The following MTMR3 variants were observed in gnomAD, a reference collection of about 807,000 sequenced individuals.
MTMR3 encodes the protein myotubularin related protein 3.
MTMR3 carries 32 observed loss-of-function variants against 132.4 expected under a neutral mutation model. The ratio of observed to expected loss-of-function variants is 0.24; its 90% confidence interval spans 0.18 to 0.32. The LOEUF is 0.32. MTMR3 is among the 10% of genes least tolerant of loss of function. The pLI is 1.00. For synonymous variants in MTMR3, 556 were observed against 550.3 expected (o/e 1.01, Z -0.14); for missense variants, 1,216 against 1,489.6 (o/e 0.82, Z 3.02).
intron 7 of MTMR3, chr22:29,997,860 AC>A (rs2067093481): frequency 6.6e-6 from 1 of 152,180 alleles, no homozygotes; most frequent in Non-Finnish European, 1.5e-5. Flanking sequence ...AATGATCTAT[AC>A]CTTTCACGAA....
chr22:29,902,094 T>C (rs1441514627), intron 1 of MTMR3, among the ~76,000 whole-genome samples: 1 of 152,198 alleles, frequency 6.6e-6, no homozygotes, highest in East Asian at 1.9e-4. Context: ...TTTATAACTT[T>C]ATTAGAGAAC....
At chr22:29,912,859 C>T (rs1434314924) in intron 1 of MTMR3, among the ~76,000 whole-genome samples, 2 of 152,170 alleles carry the variant, frequency 1.3e-5, no homozygotes, top group Non-Finnish European at 2.9e-5. Flanking sequence ...AACTCTTGGC[C>T]TGAACTGTTT....
At chr22:29,964,926 G>A (rs4820824) in intron 2 of MTMR3, among the ~76,000 whole-genome samples, 70,964 of 151,836 alleles carry the variant, frequency 0.47, 16,906 homozygotes, top group East Asian at 0.72. Flanking sequence ...TTTCTGATTC[G>A]GTACAGTTTA....
intron 1 of MTMR3, among the ~76,000 whole-genome samples, chr22:29,926,105 TTAC>T (rs2065512154): frequency 2.0e-5 from 3 of 152,146 alleles, no homozygotes; most frequent in Non-Finnish European, 4.4e-5. Context: ...TTCAATGCAT[TTAC>T]CTATTTTGAT....
Position 29,936,147 on chromosome 22 carries a change from G to C in MTMR3, c.-137-20889G>C, listed in dbSNP as rs769360503. Among the ~76,000 whole-genome samples, 3 of 152,088 alleles carry C rather than the reference G, an allele frequency of 2.0e-5. No homozygotes were observed. In the South Asian group the frequency reaches 6.2e-4, roughly 32 times the overall value. On this transcript the variant is annotated intron_variant, in intron 1 of 19. Coordinates refer to ENST00000401950, the MANE Select transcript of MTMR3 (RefSeq NM_021090.4). ...GATTTTCATCTCTTTCTATTCTGTAGCCTACAATCGTAATGTAGACCAAGA... is the reference window on the plus strand; with the variant it reads ...GATTTTCATCTCTTTCTATTCTGTACCCTACAATCGTAATGTAGACCAAGA...
chr22:29,965,296 A>T (rs192379393), intron 2 of MTMR3, among the ~76,000 whole-genome samples: 388 of 151,958 alleles, frequency 2.6e-3, no homozygotes, highest in African/African-American at 8.9e-3. Context: ...TACAGAATCT[A>T]TTTGGTATAG....
At chr22:29,985,557 A>G (rs1290628867) in intron 5 of MTMR3, 1 of 152,230 alleles carries the variant, frequency 6.6e-6, no homozygotes, top group Non-Finnish European at 1.5e-5. Context: ...GAAGGGAAAC[A>G]CTGCAGTAGA....
intron 1 of MTMR3, among the ~76,000 whole-genome samples, chr22:29,893,422 T>C (rs1306173216): frequency 6.6e-6 from 1 of 152,234 alleles, no homozygotes; most frequent in African/African-American, 2.4e-5. Flanking sequence ...AAAGGAAACA[T>C]ACTCATTAGT....
intron 2 of MTMR3, among the ~76,000 whole-genome samples, chr22:29,964,580 C>A (rs1317434211): frequency 6.6e-6 from 1 of 152,134 alleles, no homozygotes; most frequent in African/African-American, 2.4e-5. Flanking sequence ...GTTCTTTAAT[C>A]TCCCTTTGCT....
At chr22:29,970,949 C>CT in intron 2 of MTMR3, 27 bp from the exon 3 acceptor site, 11 of 370,716 alleles carry the variant, frequency 3.0e-5, no homozygotes, top group East Asian at 1.8e-4. Flanking sequence ...TTTTTTTCTT[C>CT]TTCCCCCTCT....
chr22:29,916,147 A>T (rs2065303642), intron 1 of MTMR3, among the ~76,000 whole-genome samples: 2 of 152,180 alleles, frequency 1.3e-5, no homozygotes, highest in African/African-American at 4.8e-5. Context: ...CTGGGCCTGT[A>T]GAGGAGCCTT....
chr22:29,982,933 TTGTTTGTGTGTGTG>T (rs1390784946), intron 5 of MTMR3: 36 of 108,486 alleles, frequency 3.3e-4, no homozygotes, highest in South Asian at 2.9e-3. Context: ...GTTTAAAAGT[TTGTTTGTGTGTGTG>T]TGTGTGTGTG....
rs2067458454 is a variant in MTMR3, at chr22:30,012,569, C to T, written c.1317+6C>T. The T allele has an allele frequency of 3.8e-6, 6 of 1,593,282 alleles. No homozygotes were observed. Among genetic ancestry groups the T allele is most frequent in the Non-Finnish European group, 4.3e-6 (5 of 1,169,196 alleles). Reference sequence around the variant, plus strand: ...CTTATTACCGAACCATAGAGGTGAGCCCATCCAAATGGGAGGGGTTGGTAC... The same window carrying T: ...CTTATTACCGAACCATAGAGGTGAGTCCATCCAAATGGGAGGGGTTGGTAC... On this transcript the variant is annotated splice_donor_region_variant and intron_variant, in intron 13 of 19. Coordinates refer to ENST00000401950, the MANE Select transcript of MTMR3 (RefSeq NM_021090.4).
intron 19 of MTMR3, chr22:30,023,245 T>G: frequency 1.7e-6 from 1 of 596,848 alleles, no homozygotes; most frequent in Admixed American, 2.8e-5. Flanking sequence ...CCAGCTAGGG[T>G]GTTGACTGTC....
intron 2 of MTMR3, among the ~76,000 whole-genome samples, chr22:29,960,382 G>A (rs1004988931): frequency 2.0e-5 from 3 of 152,106 alleles, no homozygotes; most frequent in African/African-American, 7.2e-5. Flanking sequence ...TCTTTCTTAG[G>A]AAATACATAC....
chr22:29,978,834 C>T, intron 4 of MTMR3, 102 bp from the exon 5 acceptor site: 1 of 879,774 alleles, frequency 1.1e-6, no homozygotes, highest in East Asian at 2.4e-5. Flanking sequence ...GTGTTTTCAA[C>T]TTCAGTGGCA....
chr22:29,901,895 T>C (rs2065008124), intron 1 of MTMR3, among the ~76,000 whole-genome samples: 1 of 152,222 alleles, frequency 6.6e-6, no homozygotes, highest in African/African-American at 2.4e-5. Flanking sequence ...GTAATTACTT[T>C]CTGTTGTTTA....
At chr22:29,913,545 G>A (rs1389555989) in intron 1 of MTMR3, among the ~76,000 whole-genome samples, 2 of 152,160 alleles carry the variant, frequency 1.3e-5, no homozygotes, top group Non-Finnish European at 2.9e-5. Context: ...TTTCTAGGAT[G>A]TAATATAAAT....
At chr22:29,899,900 T>C (rs1253641176) in intron 1 of MTMR3, among the ~76,000 whole-genome samples, 1 of 152,226 alleles carries the variant, frequency 6.6e-6, no homozygotes, top group Non-Finnish European at 1.5e-5. Flanking sequence ...CTTCTTTGTA[T>C]GTATATTATA....
Sources: allele counts gnomAD v4.1 joint callset (sites outside exome capture counted in the v4.1 genomes callset), GRCh38; gene constraint gnomAD v4.1.1; transcripts MANE v1.5; gene names NCBI Gene and HGNC (gene_info 2026-07-23, HGNC 2026-07-21).